GRIK2: variants seen among roughly 807,000 people sequenced by gnomAD.
The protein encoded by GRIK2 is glutamate receptor ionotropic, kainate 2.
In GRIK2, 32 loss-of-function variants were observed where a neutral mutation model predicts 100.3. The observed-to-expected ratio is 0.32, with a 90% CI of 0.24 to 0.43. The LOEUF (loss-of-function observed/expected upper bound fraction) is 0.43. GRIK2 is among the 20% of genes least tolerant of loss of function. GRIK2 has a pLI of 1.00. For synonymous variants in GRIK2, 417 were observed against 389.4 expected (o/e 1.07, Z -0.83); for missense variants, 843 against 1,114.9 (o/e 0.76, Z 3.47).
chr6:101,939,381 T>C (rs969177649), intron 14 of GRIK2, among the ~76,000 whole-genome samples: 4 of 152,062 alleles, frequency 2.6e-5, no homozygotes, highest in African/African-American at 9.7e-5. Flanking sequence ...CTATTATCCT[T>C]ATTGTGAGGA....
At chr6:102,011,309 A>T (rs1488469299) in intron 14 of GRIK2, among the ~76,000 whole-genome samples, 3 of 152,050 alleles carry the variant, frequency 2.0e-5, no homozygotes, top group Non-Finnish European at 2.9e-5. Flanking sequence ...ATGCTAAAAA[A>T]TTTTCATAAG....
At chr6:102,054,402 C>G (rs764573081) in intron 15 of GRIK2, among the ~76,000 whole-genome samples, 13 of 151,886 alleles carry the variant, frequency 8.6e-5, no homozygotes, top group Non-Finnish European at 1.8e-4. Flanking sequence ...ATGGAATGTG[C>G]AGTATAGTGT....
intron 14 of GRIK2, among the ~76,000 whole-genome samples, chr6:102,022,311 G>A (rs1769470951): frequency 6.6e-6 from 1 of 151,498 alleles, no homozygotes; most frequent in Non-Finnish European, 1.5e-5. Context: ...TCTCAGTGAA[G>A]TAGTTATTTC....
intron 15 of GRIK2, 87 bp from the exon 16 acceptor site, chr6:102,055,243 A>T (rs1771406952): frequency 1.0e-6 from 1 of 1,001,436 alleles, no homozygotes; most frequent in Non-Finnish European, 1.5e-6. Flanking sequence ...CATTTTGAAA[A>T]ATCTCTGCCC....
At chr6:102,016,743 A>T (rs1350475092) in intron 14 of GRIK2, among the ~76,000 whole-genome samples, 1 of 152,118 alleles carries the variant, frequency 6.6e-6, no homozygotes, top group Non-Finnish European at 1.5e-5. Flanking sequence ...CTAGCTCAAG[A>T]GGCCAACAAT....
In GRIK2 at chr6:102,000,228, T is replaced by C. The variant is rs185500533; in HGVS notation, c.2086-35113T>C. 3.3e-4 allele frequency among the ~76,000 whole-genome samples: 50 copies of C among 151,908 alleles called. 1 individual carries two copies. Among genetic ancestry groups the C allele is most frequent in the African/African-American group, 1.1e-3 (47 of 41,518 alleles). On this transcript the variant is annotated intron_variant, in intron 14 of 16. Transcript: ENST00000369134. ...TTTTTTTAATGTTTGGTAGAATTTA[T>C]TATGATACTGTGATATCACCTGGGC... is the stretch of plus-strand genomic sequence containing the variant.
intron 4 of GRIK2, among the ~76,000 whole-genome samples, chr6:101,653,551 T>G (rs2128329641): frequency 6.6e-6 from 1 of 152,336 alleles, no homozygotes; most frequent in African/African-American, 2.4e-5. Context: ...AGTATTTTTC[T>G]ACTCTTTCAA....
chr6:102,045,400 A>G (rs1161960974), intron 15 of GRIK2, among the ~76,000 whole-genome samples: 1 of 151,998 alleles, frequency 6.6e-6, no homozygotes, highest in Non-Finnish European at 1.5e-5. Context: ...TCTACATTCC[A>G]GTTTTGGAAA....
chr6:101,942,401 C>T (rs745390261), intron 14 of GRIK2, among the ~76,000 whole-genome samples: 1 of 151,998 alleles, frequency 6.6e-6, no homozygotes, highest in Non-Finnish European at 1.5e-5. Context: ...AACTAGGTAA[C>T]GGGAAGAGAT....
chr6:101,605,458 G>GC (rs1316612434), intron 2 of GRIK2, among the ~76,000 whole-genome samples: 1 of 150,714 alleles, frequency 6.6e-6, no homozygotes, highest in Admixed American at 6.6e-5. Context: ...CCATATTAAC[G>GC]CAGGTATTTA....
intron 2 of GRIK2, among the ~76,000 whole-genome samples, chr6:101,530,439 A>G (rs1775383433): frequency 6.6e-6 from 1 of 152,060 alleles, no homozygotes; most frequent in Admixed American, 6.6e-5. Context: ...GAAAAACATA[A>G]CAATTAGAAG....
chr6:101,999,743 C>CT (rs1437149063), intron 14 of GRIK2, among the ~76,000 whole-genome samples: 3 of 151,940 alleles, frequency 2.0e-5, no homozygotes, highest in Non-Finnish European at 4.4e-5. Flanking sequence ...ATGTATTTTC[C>CT]TTTTTTCCTA....
chr6:101,880,423 C>A (rs1484999178), intron 11 of GRIK2, among the ~76,000 whole-genome samples: 2 of 151,972 alleles, frequency 1.3e-5, no homozygotes, highest in African/African-American at 4.8e-5. Flanking sequence ...CTTATAGTTT[C>A]TCTGGGTATT....
chr6:101,605,532 AGCTT>A, intron 2 of GRIK2, among the ~76,000 whole-genome samples: 1 of 152,036 alleles, frequency 6.6e-6, no homozygotes, highest in East Asian at 1.9e-4. Context: ...AAATAAAAAA[AGCTT>A]AAATGATTAT....
At chr6:101,576,335 A>T (rs1477218031) in intron 2 of GRIK2, among the ~76,000 whole-genome samples, 1 of 152,088 alleles carries the variant, frequency 6.6e-6, no homozygotes, top group Non-Finnish European at 1.5e-5. Flanking sequence ...GGAAATCTGC[A>T]TGAAAGTCTC....
intron 10 of GRIK2, among the ~76,000 whole-genome samples, chr6:101,856,133 T>G (rs897444434): frequency 1.3e-5 from 2 of 152,156 alleles, no homozygotes; most frequent in African/African-American, 4.8e-5. Flanking sequence ...ACATTGGGAA[T>G]CTATGTGATG....
intron 7 of GRIK2, among the ~76,000 whole-genome samples, chr6:101,745,323 A>G (rs537161903): frequency 1.3e-5 from 2 of 152,126 alleles, no homozygotes; most frequent in African/African-American, 4.8e-5. Flanking sequence ...TTCACATCAC[A>G]TTGAGTACTC....
intron 11 of GRIK2, among the ~76,000 whole-genome samples, chr6:101,879,046 T>TG (rs1786065679): frequency 6.6e-6 from 1 of 152,032 alleles, no homozygotes; most frequent in Admixed American, 6.6e-5. Context: ...CACTACCACG[T>TG]GGTGTGCTTT....
intron 7 of GRIK2, among the ~76,000 whole-genome samples, chr6:101,699,479 A>G (rs985739976): frequency 1.3e-5 from 2 of 152,070 alleles, no homozygotes; most frequent in South Asian, 2.1e-4. Context: ...CTTCTCTGAG[A>G]CTATCAGGCC....
Sources: gnomAD v4.1 joint callset for allele counts (sites outside exome capture counted in the v4.1 genomes callset) on GRCh38, gnomAD v4.1.1 for gene constraint, MANE v1.5 for transcripts, NCBI Gene and HGNC (gene_info 2026-07-23, HGNC 2026-07-21) for gene names.